The following SYNC variants were observed in gnomAD, a reference collection of about 807,000 sequenced individuals.
SYNC encodes the protein syncoilin.
In SYNC, 38 loss-of-function variants were observed where a neutral mutation model predicts 49.5. The observed-to-expected ratio is 0.77, with a 90% confidence interval of 0.59 to 1.01. SYNC has a LOEUF of 1.01. Ranked by LOEUF, SYNC falls within the 50% of genes least tolerant of loss-of-function variation. The probability of loss-of-function intolerance (pLI) is 0.00; values close to 1 mark genes in which losing one functional copy is unlikely to be tolerated. For synonymous variants in SYNC, 201 were observed against 230.8 expected, an observed-to-expected ratio of 0.87 and a Z score of 1.17; for missense variants, 579 against 580.6, an observed-to-expected ratio of 1.00 and a Z score of 0.03.
At chr1:32,699,975 G>A (rs1018960055) in intron 1 of SYNC, among the ~76,000 whole-genome samples, 2 of 151,058 alleles carry the variant, frequency 1.3e-5, no homozygotes, top group Admixed American at 6.6e-5. Context: ...CTCATGATCC[G>A]CCTGCCTCGG....
chr1:32,691,247 TTGCCAGGCGTGGCACTG>T (rs1650149494), intron 2 of SYNC, among the ~76,000 whole-genome samples: 1 of 146,970 alleles, frequency 6.8e-6, no homozygotes, highest in African/African-American at 2.5e-5. Context: ...CAAAAAAAAT[TTGCCAGGCGTGGCACTG>T]TGCACCTGTA....
chr1:32,687,861 A>ATTATTATTT (rs1280120903), intron 2 of SYNC, among the ~76,000 whole-genome samples: 4 of 146,448 alleles, frequency 2.7e-5, no homozygotes, highest in South Asian at 2.2e-4. Context: ...TATTATTATT[A>ATTATTATTT]TTTTTTGAGA....
Position 32,695,748 on chromosome 1 carries a change from C to T in SYNC, c.350G>A (p.Arg117Gln), listed in dbSNP as rs769998701. Residue 117 changes from arginine to glutamine, a missense_variant, in exon 2 of 5, where the codon CGG becomes CAG. Coordinates refer to ENST00000409190, the MANE Select transcript of SYNC (RefSeq NM_030786.3). ...CACGGGCCCCTCCACAAACTGTATCCGATCTGGCTCCGTGGTTTCCTCCAC... is the reference window on the plus strand; with the variant it reads ...CACGGGCCCCTCCACAAACTGTATCTGATCTGGCTCCGTGGTTTCCTCCAC... ...VCVEETTEPD[R>Q]IQFVEGPVEP... The T allele has an allele frequency of 9.3e-5, 144 of 1,551,448 alleles. No homozygotes were observed. The highest frequency in any genetic ancestry group is 1.2e-4 in the East Asian group (5 of 40,886).
intron 2 of SYNC, among the ~76,000 whole-genome samples, chr1:32,690,595 G>A (rs1449719181): frequency 6.7e-6 from 1 of 149,496 alleles, no homozygotes. Context: ...GGTGAGCCAA[G>A]ATCATGCCAC....
chr1:32,698,820 G>A lies in SYNC; in HGVS notation c.54-2776C>T, dbSNP rs958119414. 8.3e-5 allele frequency among the ~76,000 whole-genome samples: 12 copies of A among 144,940 alleles called. 1 individual carries two copies. Among genetic ancestry groups the A allele is most frequent in the Admixed American group, 2.1e-4 (3 of 14,100 alleles). On this transcript the variant is annotated intron_variant, in intron 1 of 4. Transcript: ENST00000409190. ...TTTTGAGATGGAGTCTCCCTCTGTCGCCCAGGCCTGAGTACTGTGGCATGA... is the reference window on the plus strand; with the variant it reads ...TTTTGAGATGGAGTCTCCCTCTGTCACCCAGGCCTGAGTACTGTGGCATGA...
At chr1:32,701,177 A>T (rs973820040) in intron 1 of SYNC, among the ~76,000 whole-genome samples, 25 of 152,196 alleles carry the variant, frequency 1.6e-4, no homozygotes, top group African/African-American at 6.0e-4. Context: ...GGCGTCCCAA[A>T]GTGCTGGGAT....
rs1435521199 is a variant in SYNC at position 32,684,393 on chromosome 1, T to C, written c.1234-11A>G. 6.2e-7 allele frequency: 1 copy of C among 1,614,176 alleles called. No homozygotes were observed. The highest frequency in any genetic ancestry group is 1.7e-5 in the Admixed American group (1 of 60,000). On this transcript the variant is annotated splice_polypyrimidine_tract_variant and intron_variant, in intron 2 of 4. Transcript: ENST00000409190. ...TTCCTCCAGCTGTTCCTGCATGAGA[T>C]GGCCAAGAACATTTCTAATGAGCCA...
chr1:32,702,762 C>T lies in SYNC; in HGVS notation c.-102G>A. ...GCCGCACTGCCAGCTGCAACCGACA[C>T]CGGATCCCGGCCGGCCCCGGGCCGG... is the stretch of plus-strand genomic sequence containing the variant. On this transcript the variant is annotated 5_prime_UTR_variant, in exon 1 of 5. It adds an upstream start codon to the 5' untranslated region. Coordinates refer to ENST00000409190, the MANE Select transcript of SYNC (RefSeq NM_030786.3). The surrounding 1 kb of genome is among the most constrained non-coding windows in gnomAD (Gnocchi z 6.2). 1 of 987,726 alleles carries T rather than the reference C, an allele frequency of 1.0e-6. No homozygotes were observed. The highest frequency in any genetic ancestry group is 1.2e-6 in the Non-Finnish European group (1 of 813,840). 61.2% of individuals were successfully genotyped at this position (987,726 alleles called of 1,614,324 possible). A position where few individuals can be genotyped will look rare whatever the true frequency, so the allele number is the denominator to read the frequency against.
intron 2 of SYNC, among the ~76,000 whole-genome samples, chr1:32,687,861 A>ATTATTATTTTTTTTTTTTTTT (rs1280120903): frequency 2.0e-5 from 3 of 146,440 alleles, no homozygotes; most frequent in African/African-American, 7.6e-5. Flanking sequence ...TATTATTATT[A>ATTATTATTTTTTTTTTTTTTT]TTTTTTGAGA....
intron 2 of SYNC, among the ~76,000 whole-genome samples, chr1:32,689,654 G>A (rs945492225): frequency 1.3e-5 from 2 of 152,044 alleles, no homozygotes; most frequent in African/African-American, 4.8e-5. Context: ...TAGGAAGTAA[G>A]CTGATGGGCC....
intron 2 of SYNC, among the ~76,000 whole-genome samples, chr1:32,692,530 T>G (rs565985711): frequency 6.6e-6 from 1 of 152,360 alleles, no homozygotes; most frequent in Non-Finnish European, 1.5e-5. Context: ...GTGGATCACC[T>G]GAGGTCAGGT....
In SYNC at chr1:32,693,058, A is replaced by T. The variant is rs1003718201; in HGVS notation, c.1233+1807T>A. Among the ~76,000 whole-genome samples, 61 of 149,974 alleles carry T rather than the reference A, an allele frequency of 4.1e-4. 1 individual carries two copies. Among genetic ancestry groups the T allele is most frequent in the South Asian group, 2.1e-4 (1 of 4,680 alleles). On this transcript the variant is annotated intron_variant, in intron 2 of 4. Transcript: ENST00000409190. ...AACATTCAGTATTATGACCCCAAAA[A>T]CCACAGTGTTTTTTTTTTGTTTGTT...
chr1:32,693,592 C>G (rs541108207), intron 2 of SYNC, among the ~76,000 whole-genome samples: 1 of 152,266 alleles, frequency 6.6e-6, no homozygotes, highest in African/African-American at 2.4e-5. Context: ...TCATTAGTGC[C>G]CAGCAGCACA....
intron 2 of SYNC, among the ~76,000 whole-genome samples, chr1:32,687,855 A>ATTATTATTATTATTATT (rs71006359): frequency 0.1 from 13,672 of 135,248 alleles, 848 homozygotes; most frequent in East Asian, 0.13. Flanking sequence ...TATTATTATT[A>ATTATTATTATTATTATT]TTATTATTTT....
chr1:32,693,066 GT>G (rs370968742), intron 2 of SYNC, among the ~76,000 whole-genome samples: 15 of 134,294 alleles, frequency 1.1e-4, no homozygotes, highest in African/African-American at 3.9e-4. Context: ...AAACCACAGT[GT>G]TTTTTTTTTG....
Position 32,683,997 on chromosome 1 carries a change from TC to T in SYNC, c.1438+12del. ...AACAATGCAAACACCACTCTTCTCT[TC>T]ACAAAGATCACCTTGAGACTGTGTC... On this transcript the variant is annotated intron_variant, in intron 4 of 4. Transcript: ENST00000409190. 6.2e-7 allele frequency: 1 copy of T among 1,612,230 alleles called. No individual in the cohort carries two copies. The highest frequency in any genetic ancestry group is 8.5e-7 in the Non-Finnish European group (1 of 1,178,518).
intron 2 of SYNC, among the ~76,000 whole-genome samples, chr1:32,688,537 T>C (rs1182238482): frequency 1.3e-5 from 2 of 152,234 alleles, no homozygotes; most frequent in African/African-American, 2.4e-5. Flanking sequence ...TCAGGATGCA[T>C]GTTAAAATCA....
At chr1:32,690,303 T>A (rs557992073) in intron 2 of SYNC, among the ~76,000 whole-genome samples, 1 of 152,344 alleles carries the variant, frequency 6.6e-6, no homozygotes, top group East Asian at 1.9e-4. Flanking sequence ...GAAACCATCT[T>A]AACCTCTTCC....
chr1:32,683,749 T>C (rs1649609531), intron 4 of SYNC: 1 of 375,774 alleles, frequency 2.7e-6, no homozygotes, highest in African/African-American at 2.1e-5. Context: ...TCTCCTGCCT[T>C]GGCCTCCTGA....
Sources: gnomAD v4.1 joint callset for allele counts (sites outside exome capture counted in the v4.1 genomes callset) on GRCh38, gnomAD v4.1.1 for gene constraint, Gnocchi (gnomAD v3.1) non-coding constraint, MANE v1.5 for transcripts, NCBI Gene and HGNC (gene_info 2026-07-23, HGNC 2026-07-21) for gene names.